The following DPT variants were observed in gnomAD, a reference collection of about 807,000 sequenced individuals.
DPT encodes tyrosine-rich acidic matrix protein.
In DPT, 21 loss-of-function variants were observed where a neutral mutation model predicts 31.2. The ratio of observed to expected loss-of-function variants is 0.67; its 90% CI spans 0.48 to 0.97. The LOEUF (loss-of-function observed/expected upper bound fraction) is 0.97, where lower values mean the gene tolerates loss of function less well. Among genes scored for constraint, DPT ranks in the 50% least tolerant of loss-of-function variants. The probability of loss-of-function intolerance (pLI) is 0.00; values close to 1 mark genes in which losing one functional copy is unlikely to be tolerated. For missense variants in DPT, 262 were observed against 258.8 expected (o/e 1.01, Z -0.08); for synonymous variants, 91 against 86.9 (o/e 1.05, Z -0.26).
intron 2 of DPT, among the ~76,000 whole-genome samples, chr1:168,706,766 A>G (rs1649723910): frequency 6.6e-6 from 1 of 152,252 alleles, no homozygotes; most frequent in Non-Finnish European, 1.5e-5. Flanking sequence ...CTGTAGCTTA[A>G]ATGAGTAGAG....
chr1:168,706,343 A>T (rs1649716027), intron 2 of DPT, among the ~76,000 whole-genome samples: 1 of 152,250 alleles, frequency 6.6e-6, no homozygotes, highest in Non-Finnish European at 1.5e-5. Context: ...AAATAAAGCC[A>T]GTCTGTTCAT....
intron 3 of DPT, among the ~76,000 whole-genome samples, chr1:168,699,857 C>T (rs1177982976): frequency 6.6e-6 from 1 of 152,150 alleles, no homozygotes; most frequent in Admixed American, 6.5e-5. Context: ...AATTTACCCA[C>T]ACATTTCTCT....
intron 2 of DPT, among the ~76,000 whole-genome samples, chr1:168,705,269 T>C (rs1044017155): frequency 2.0e-5 from 3 of 152,246 alleles, no homozygotes; most frequent in African/African-American, 7.2e-5. Context: ...GAGATGTGTT[T>C]GTTACAGCTG....
chr1:168,718,575 T>C (rs1650035421), intron 1 of DPT, among the ~76,000 whole-genome samples: 1 of 152,134 alleles, frequency 6.6e-6, no homozygotes. Flanking sequence ...CGGATCTTTG[T>C]GGGGGTACCT....
At chr1:168,698,733 G>T (rs1356019146) in intron 3 of DPT, among the ~76,000 whole-genome samples, 1 of 152,040 alleles carries the variant, frequency 6.6e-6, no homozygotes, top group Non-Finnish European at 1.5e-5. Flanking sequence ...GAAATATCTG[G>T]CCCTAGATGT....
At chr1:168,714,485 T>A (rs1256112141) in intron 1 of DPT, 139 bp from the exon 2 acceptor site, 2 of 1,105,940 alleles carry the variant, frequency 1.8e-6, no homozygotes, top group Middle Eastern at 2.1e-4. Context: ...CAAATAATAG[T>A]CTTTATTATA....
intron 1 of DPT, among the ~76,000 whole-genome samples, chr1:168,714,689 T>C (rs541803930): frequency 5.3e-5 from 8 of 152,316 alleles, no homozygotes; most frequent in Non-Finnish European, 5.9e-5. Context: ...ATTCATGCCA[T>C]TTAAAATAAA....
intron 2 of DPT, among the ~76,000 whole-genome samples, chr1:168,712,057 A>G (rs1337229100): frequency 2.0e-5 from 3 of 152,154 alleles, no homozygotes; most frequent in Non-Finnish European, 2.9e-5. Context: ...TAATGTGGAT[A>G]TTTGTTCAAC....
chr1:168,696,477 G>A lies in DPT; in HGVS notation c.*72C>T. On this transcript the variant is annotated 3_prime_UTR_variant, in exon 4 of 4. Transcript: ENST00000367817. ...AGAAACTTCTATAGGAGATCCAACTGATGTTAACATATGTGGACACCCTCC... is the reference window on the plus strand; with the variant it reads ...AGAAACTTCTATAGGAGATCCAACTAATGTTAACATATGTGGACACCCTCC... 1 of 1,327,014 alleles carries A rather than the reference G, an allele frequency of 7.5e-7. No homozygotes were observed. Among genetic ancestry groups the A allele is most frequent in the Non-Finnish European group, 1.1e-6 (1 of 945,132 alleles). The allele number at this position is 1,327,014 out of a possible 1,614,324, so 82.2% of individuals were successfully genotyped here.
rs138765359 is a variant in DPT at position 168,708,655 on chromosome 1, T to C, written c.431+5566A>G. Among the ~76,000 whole-genome samples the C allele has an allele frequency of 6.3e-3, 966 of 152,296 alleles. 8 individuals carry two copies. The highest frequency in any genetic ancestry group is 0.022 in the African/African-American group (917 of 41,552). ...CATATGTATACATGCGCCAGGTTGG[T>C]GTGCTGCACCTGTTAACTAACATTA... is the stretch of plus-strand genomic sequence containing the variant. On this transcript the variant is annotated intron_variant, in intron 2 of 3. Transcript: ENST00000367817.
chr1:168,706,785 C>A (rs115549380), intron 2 of DPT, among the ~76,000 whole-genome samples: 123 of 152,308 alleles, frequency 8.1e-4, no homozygotes, highest in Non-Finnish European at 1.5e-3. Context: ...AGGAAAGTCC[C>A]TGAACACTTT....
intron 1 of DPT, among the ~76,000 whole-genome samples, chr1:168,717,553 A>G (rs1217553836): frequency 1.3e-5 from 2 of 152,142 alleles, no homozygotes; most frequent in African/African-American, 4.8e-5. Flanking sequence ...CATGCTCTTT[A>G]GTTCAATTAG....
At chr1:168,698,392 G>T (rs1649511428) in intron 3 of DPT, among the ~76,000 whole-genome samples, 1 of 152,138 alleles carries the variant, frequency 6.6e-6, no homozygotes, top group South Asian at 2.1e-4. Flanking sequence ...TGGCCTGTGG[G>T]TTTACCAAAT....
chr1:168,716,993 C>T (rs1302122188), intron 1 of DPT, among the ~76,000 whole-genome samples: 6 of 152,096 alleles, frequency 3.9e-5, no homozygotes, highest in Admixed American at 3.9e-4. Context: ...TTTGTTATTG[C>T]AAATAGTGCT....
chr1:168,719,288 C>T (rs1433856229), intron 1 of DPT, among the ~76,000 whole-genome samples: 2 of 152,124 alleles, frequency 1.3e-5, no homozygotes, highest in African/African-American at 4.8e-5. Context: ...TAGCTTTGGG[C>T]ATTCCTCTCC....
intron 2 of DPT, among the ~76,000 whole-genome samples, chr1:168,705,575 G>T (rs1414612929): frequency 6.6e-6 from 1 of 152,208 alleles, no homozygotes; most frequent in Non-Finnish European, 1.5e-5. Flanking sequence ...AAATTAGAAT[G>T]TCTTCCAAAT....
At chr1:168,700,348 C>T (rs1401047818) in intron 3 of DPT, among the ~76,000 whole-genome samples, 2 of 152,196 alleles carry the variant, frequency 1.3e-5, no homozygotes, top group Non-Finnish European at 2.9e-5. Context: ...TGATCTTGGA[C>T]TTTCCAGCTT....
chr1:168,708,811 A>G (rs887817591), intron 2 of DPT, among the ~76,000 whole-genome samples: 1 of 152,232 alleles, frequency 6.6e-6, no homozygotes, highest in African/African-American at 2.4e-5. Flanking sequence ...TCATGTCCCT[A>G]AAACAGCATT....
chr1:168,723,507 A>G (rs1224322594), intron 1 of DPT, among the ~76,000 whole-genome samples: 1 of 152,236 alleles, frequency 6.6e-6, no homozygotes, highest in Non-Finnish European at 1.5e-5. Context: ...ATAAATCATA[A>G]ATCACCACGT....
Sources: gnomAD v4.1 joint callset for allele counts (sites outside exome capture counted in the v4.1 genomes callset) on GRCh38, gnomAD v4.1.1 for gene constraint, MANE v1.5 for transcripts, NCBI Gene and HGNC (gene_info 2026-07-23, HGNC 2026-07-21) for gene names.